RBMS3: variants seen among roughly 807,000 people sequenced by gnomAD.
RBMS3 encodes the protein RNA binding motif single stranded interacting protein 3.
In RBMS3, 27 loss-of-function variants were observed where a neutral mutation model predicts 66.8. The observed-to-expected ratio is 0.40, with a 90% CI of 0.30 to 0.56. The LOEUF (loss-of-function observed/expected upper bound fraction) is 0.56. Ranked by LOEUF, RBMS3 falls within the 20% of genes least tolerant of loss-of-function variation. The pLI is 0.40. For synonymous variants in RBMS3, 188 were observed against 183.0 expected (o/e 1.03, Z -0.22); for missense variants, 513 against 549.5 (o/e 0.93, Z 0.66).
chr3:29,324,746 T>C (rs2035219270), intron 1 of RBMS3, among the ~76,000 whole-genome samples: 1 of 151,580 alleles, frequency 6.6e-6, no homozygotes, highest in South Asian at 2.1e-4. Flanking sequence ...CCTAATTCTT[T>C]CCTTCTCTCC....
intron 5 of RBMS3, among the ~76,000 whole-genome samples, chr3:29,762,213 G>A (rs1469856877): frequency 6.6e-6 from 1 of 152,076 alleles, no homozygotes; most frequent in Non-Finnish European, 1.5e-5. Flanking sequence ...ATTCAATATT[G>A]AGAAAGCATA....
intron 8 of RBMS3, among the ~76,000 whole-genome samples, chr3:29,884,433 T>TCTCG: frequency 9.5e-6 from 1 of 105,804 alleles, no homozygotes; most frequent in Admixed American, 9.6e-5. Context: ...TCTCTCTCTC[T>TCTCG]CTCTCTCTCT....
At chr3:29,597,075 A>T (rs1031705648) in intron 4 of RBMS3, among the ~76,000 whole-genome samples, 2 of 152,192 alleles carry the variant, frequency 1.3e-5, no homozygotes, top group African/African-American at 4.8e-5. Context: ...AATAGATGAC[A>T]AGAATTTGGA....
At chr3:29,600,921 A>G (rs994366903) in intron 4 of RBMS3, among the ~76,000 whole-genome samples, 2 of 152,088 alleles carry the variant, frequency 1.3e-5, no homozygotes, top group South Asian at 2.1e-4. Flanking sequence ...TGACAATATC[A>G]TAATAAAAAA....
intron 3 of RBMS3, among the ~76,000 whole-genome samples, chr3:29,583,277 G>A (rs891357232): frequency 1.4e-4 from 22 of 152,076 alleles, no homozygotes; most frequent in Non-Finnish European, 2.8e-4. Context: ...TGGAAAGGAG[G>A]AGAAGAAGCC....
chr3:29,853,829 G>A (rs2149523101), intron 6 of RBMS3, among the ~76,000 whole-genome samples: 1 of 152,184 alleles, frequency 6.6e-6, no homozygotes, highest in South Asian at 2.1e-4. Flanking sequence ...TGAGACCAAG[G>A]TTATCTTTGG....
Position 29,360,044 on chromosome 3 carries a change from C to A in RBMS3, c.76-74699C>A, listed in dbSNP as rs1315571520. On this transcript the variant is annotated intron_variant, in intron 1 of 14. Transcript: ENST00000383767. ...GGAAGGGTTTTTTTTGTCTCTGTTT[C>A]CTTCAGTTCTGCTCTGATCTTAGTT... is the stretch of plus-strand genomic sequence containing the variant. Among the ~76,000 whole-genome samples the A allele has an allele frequency of 3.3e-5, 5 of 152,128 alleles. No homozygotes were observed. The East Asian group carries it at 7.7e-4, about 24-fold the overall frequency.
rs151002587 is a variant in RBMS3, at chr3:29,410,193, A to T, written c.76-24550A>T. The stretch of plus-strand genomic sequence containing the variant: ...GTATTAGCCTTCTATTGGAATGTAA[A>T]TTATTCTGACTTGAACCCACACTGA... On this transcript the variant is annotated intron_variant, in intron 1 of 14. Transcript: ENST00000383767. 6.3e-4 allele frequency among the ~76,000 whole-genome samples: 96 copies of T among 152,344 alleles called. 2 individuals are homozygous for T. The highest frequency in any genetic ancestry group is 2.2e-3 in the African/African-American group (93 of 41,592).
intron 5 of RBMS3, among the ~76,000 whole-genome samples, chr3:29,740,997 C>T (rs987210725): frequency 1.7e-4 from 26 of 150,182 alleles, no homozygotes; most frequent in Non-Finnish European, 3.0e-4. Flanking sequence ...GCCGAGATCG[C>T]GCCACTATAC....
At chr3:29,595,521 T>G (rs1405867532) in intron 4 of RBMS3, among the ~76,000 whole-genome samples, 1 of 152,128 alleles carries the variant, frequency 6.6e-6, no homozygotes, top group African/African-American at 2.4e-5. Flanking sequence ...CATTTCTGGA[T>G]GTACTGTTGA....
intron 4 of RBMS3, among the ~76,000 whole-genome samples, chr3:29,660,252 A>G (rs2050488478): frequency 6.6e-6 from 1 of 151,624 alleles, no homozygotes; most frequent in African/African-American, 2.4e-5. Context: ...AAAAGTTCAT[A>G]ATCATTAATC....
At chr3:29,383,200 A>G (rs2038853004) in intron 1 of RBMS3, among the ~76,000 whole-genome samples, 2 of 152,212 alleles carry the variant, frequency 1.3e-5, no homozygotes, top group African/African-American at 4.8e-5. Flanking sequence ...GATAGCAATT[A>G]CCAATGTGAA....
chr3:29,944,934 G>A (rs181719268), intron 12 of RBMS3, among the ~76,000 whole-genome samples: 16 of 151,882 alleles, frequency 1.1e-4, no homozygotes, highest in African/African-American at 3.9e-4. Flanking sequence ...AGTGCAGTTT[G>A]TAATAGGATA....
In RBMS3 at chr3:29,910,751, A is replaced by G. The variant is rs112558401; in HGVS notation, c.939+10996A>G. On this transcript the variant is annotated intron_variant, in intron 10 of 14. Transcript: ENST00000383767. ...ATGGAGAGAAAGGGAAAAACTATAC[A>G]TATACATATATATGTATACGTATAT... Among the ~76,000 whole-genome samples the G allele has an allele frequency of 2.5e-4, 36 of 145,618 alleles. 2 individuals are homozygous for G. The highest frequency in any genetic ancestry group is 7.3e-4 in the African/African-American group (29 of 39,686).
At chr3:29,824,774 G>GA (rs2058163060) in intron 6 of RBMS3, among the ~76,000 whole-genome samples, 1 of 151,868 alleles carries the variant, frequency 6.6e-6, no homozygotes, top group Non-Finnish European at 1.5e-5. Flanking sequence ...AACCATACAA[G>GA]AAAAAAGCAC....
chr3:29,335,199 C>T lies in RBMS3; in HGVS notation c.75+53443C>T, dbSNP rs565171843. ...TTTGTTCTTCCTACAAAAGACTATCCTATTGGATTTTGCCAGTTTTATGAT... is the reference window on the plus strand; with the variant it reads ...TTTGTTCTTCCTACAAAAGACTATCTTATTGGATTTTGCCAGTTTTATGAT... On this transcript the variant is annotated intron_variant, in intron 1 of 14. Coordinates refer to ENST00000383767, the MANE Select transcript of RBMS3 (RefSeq NM_001003793.3). Among the ~76,000 whole-genome samples the T allele has an allele frequency of 3.7e-4, 56 of 152,046 alleles. 1 individual carries two copies. The highest frequency in any genetic ancestry group is 2.4e-4 in the Non-Finnish European group (16 of 68,012).
Position 29,944,310 on chromosome 3 carries a change from C to G in RBMS3, c.1098+56C>G, listed in dbSNP as rs1022950601. 7 of 1,451,538 alleles carry G rather than the reference C, an allele frequency of 4.8e-6. No homozygotes were observed. In the Admixed American group the frequency reaches 6.8e-5, roughly 14 times the overall value. 89.9% of individuals were successfully genotyped at this position (1,451,538 alleles called of 1,614,324 possible). The stretch of plus-strand genomic sequence containing the variant: ...ATTGGAGGGGAGAGATGGAGGTTGC[C>G]TGGTTTTTTCCCAAACTCTTTAAAG... On this transcript the variant is annotated intron_variant, in intron 12 of 14. Transcript: ENST00000383767.
intron 6 of RBMS3, among the ~76,000 whole-genome samples, chr3:29,820,188 CAAA>C (rs71091078): frequency 1.4e-5 from 1 of 69,824 alleles, no homozygotes; most frequent in Non-Finnish European, 2.5e-5. Flanking sequence ...GACTTCTTCT[CAAA>C]AAAAAAAAAA....
chr3:29,589,161 A>T (rs1024574776), intron 4 of RBMS3, among the ~76,000 whole-genome samples: 48 of 152,090 alleles, frequency 3.2e-4, no homozygotes, highest in African/African-American at 8.0e-4. Context: ...AACCATTATG[A>T]ATATTTTCCC....
Sources: gnomAD v4.1 joint callset for allele counts (sites outside exome capture counted in the v4.1 genomes callset) on GRCh38, gnomAD v4.1.1 for gene constraint, MANE v1.5 for transcripts, NCBI Gene and HGNC (gene_info 2026-07-23, HGNC 2026-07-21) for gene names.